PLSCR4: variants seen among roughly 807,000 people sequenced by gnomAD.
The protein encoded by PLSCR4 is phospholipid scramblase 4, also known as Ca(2+)-dependent phospholipid scramblase 4.
PLSCR4 carries 25 observed loss-of-function variants against 36.3 expected under a neutral mutation model. The ratio of observed to expected loss-of-function variants is 0.69; its 90% confidence interval spans 0.50 to 0.96. The LOEUF is 0.96. PLSCR4 is among the 40% of genes least tolerant of loss of function. The probability of loss-of-function intolerance (pLI) is 0.00; values close to 1 mark genes in which losing one functional copy is unlikely to be tolerated. For synonymous variants in PLSCR4, 122 were observed against 132.9 expected (o/e 0.92, Z 0.56); for missense variants, 408 against 414.7 (o/e 0.98, Z 0.14).
chr3:146,228,347 T>C (rs2035563014), intron 1 of PLSCR4, among the ~76,000 whole-genome samples: 1 of 152,178 alleles, frequency 6.6e-6, no homozygotes, highest in Non-Finnish European at 1.5e-5. Flanking sequence ...TGAGCATCCA[T>C]ATGTAAGATT....
chr3:146,223,267 T>C (rs1166477041), intron 1 of PLSCR4, among the ~76,000 whole-genome samples: 4 of 152,158 alleles, frequency 2.6e-5, no homozygotes, highest in Non-Finnish European at 4.4e-5. Flanking sequence ...AAAAAGGCTA[T>C]TATTTGAGAA....
chr3:146,231,515 A>C (rs1256996300), intron 1 of PLSCR4, among the ~76,000 whole-genome samples: 1 of 152,166 alleles, frequency 6.6e-6, no homozygotes, highest in Non-Finnish European at 1.5e-5. Context: ...TAACTTCACC[A>C]ACATCTATTA....
intron 3 of PLSCR4, among the ~76,000 whole-genome samples, chr3:146,215,868 C>T (rs1237283041): frequency 3.3e-5 from 5 of 152,196 alleles, no homozygotes; most frequent in Admixed American, 3.3e-4. Flanking sequence ...AGCAAATTTT[C>T]TGTCTTTTGT....
chr3:146,237,592 A>C (rs9845890), intron 1 of PLSCR4, among the ~76,000 whole-genome samples: 1 of 151,744 alleles, frequency 6.6e-6, no homozygotes, highest in Non-Finnish European at 1.5e-5. Context: ...GGAAATTCAA[A>C]ATATGTGGAT....
At chr3:146,210,958 A>G (rs1437769263) in intron 3 of PLSCR4, among the ~76,000 whole-genome samples, 1 of 151,786 alleles carries the variant, frequency 6.6e-6, no homozygotes, top group Admixed American at 6.6e-5. Flanking sequence ...GATATATCAC[A>G]TTTTAGGTAT....
At chr3:146,210,661 A>C (rs923735212) in intron 3 of PLSCR4, among the ~76,000 whole-genome samples, 1 of 152,008 alleles carries the variant, frequency 6.6e-6, no homozygotes, top group Non-Finnish European at 1.5e-5. Context: ...GTATATTCTC[A>C]AAGTTGTGCA....
intron 6 of PLSCR4, among the ~76,000 whole-genome samples, chr3:146,198,977 C>T (rs1480411602): frequency 6.6e-6 from 1 of 151,896 alleles, no homozygotes. Flanking sequence ...TGACTTAATC[C>T]CTAAAATGAT....
intron 3 of PLSCR4, among the ~76,000 whole-genome samples, chr3:146,209,704 T>A (rs1050099318): frequency 1.3e-5 from 2 of 152,128 alleles, no homozygotes; most frequent in African/African-American, 4.8e-5. Context: ...TTAAAATTTA[T>A]AAATAACTGG....
chr3:146,234,075 C>T (rs73865369), intron 1 of PLSCR4, among the ~76,000 whole-genome samples: 1,687 of 152,294 alleles, frequency 0.011, 33 homozygotes, highest in African/African-American at 0.038. Flanking sequence ...CAACCTGTCT[C>T]TCCCACTAAA....
chr3:146,206,477 C>T (rs1466935063), intron 4 of PLSCR4, 49 bp downstream of exon 4: 2 of 1,357,848 alleles, frequency 1.5e-6, no homozygotes, highest in Non-Finnish European at 1.1e-6. Flanking sequence ...TTTGTTGGAT[C>T]CCTATGGTCA....
At chr3:146,216,986 A>T (rs2034927224) in intron 3 of PLSCR4, among the ~76,000 whole-genome samples, 1 of 152,246 alleles carries the variant, frequency 6.6e-6, no homozygotes, top group African/African-American at 2.4e-5. Flanking sequence ...TTCTCCTAAT[A>T]CTATCTGAAA....
At chr3:146,237,820 C>G (rs1328168049) in intron 1 of PLSCR4, among the ~76,000 whole-genome samples, 1 of 150,580 alleles carries the variant, frequency 6.6e-6, no homozygotes, top group South Asian at 2.1e-4. Context: ...CAAATTAAAA[C>G]CAAAGCAAGA....
chr3:146,248,369 C>T (rs2107874030), intron 1 of PLSCR4, among the ~76,000 whole-genome samples: 1 of 152,166 alleles, frequency 6.6e-6, no homozygotes, highest in East Asian at 1.9e-4. Flanking sequence ...ATGTGTAAAA[C>T]AACATCACTA....
At chr3:146,200,371 A>G (rs1576449681) in intron 5 of PLSCR4, among the ~76,000 whole-genome samples, 1 of 152,228 alleles carries the variant, frequency 6.6e-6, no homozygotes, top group African/African-American at 2.4e-5. Context: ...AAAATTATAC[A>G]TTTGACCATT....
Position 146,206,694 on chromosome 3 carries a change from A to G in PLSCR4, c.186T>C (p.Ser62=), listed in dbSNP as rs1388092502. 2.5e-6 allele frequency: 4 copies of G among 1,612,552 alleles called. No homozygotes were observed. The highest frequency in any genetic ancestry group is 3.4e-6 in the Non-Finnish European group (4 of 1,179,328). Residue 62 remains serine (S), a synonymous_variant, in exon 4 of 9, where the codon AGT becomes AGC. Coordinates refer to ENST00000354952, the MANE Select transcript of PLSCR4 (RefSeq NM_020353.3). ...YPGGLPMGYY[S]PQQPSTFPLY... ...AAGGGAAGGTACTGGGTTGCTGTGG[A>G]CTGTAGTATCCCATAGGCAAGCCTC...
intron 3 of PLSCR4, among the ~76,000 whole-genome samples, chr3:146,212,722 T>G (rs138575584): frequency 1.8e-4 from 28 of 152,290 alleles, no homozygotes; most frequent in African/African-American, 5.3e-4. Context: ...TCTTGACTAA[T>G]TGCTCTGGCT....
intron 7 of PLSCR4, chr3:146,196,311 A>G (rs1027148973): frequency 4.6e-5 from 11 of 239,272 alleles, no homozygotes; most frequent in African/African-American, 1.8e-4. Flanking sequence ...AAATCTAGGG[A>G]AAAAAATGGT....
At chr3:146,217,210 T>C (rs1030009214) in intron 3 of PLSCR4, among the ~76,000 whole-genome samples, 2 of 152,126 alleles carry the variant, frequency 1.3e-5, no homozygotes, top group Non-Finnish European at 2.9e-5. Context: ...GACATAATCA[T>C]AGGTAGATGC....
rs1293690619 is a variant in PLSCR4 at position 146,206,602 on chromosome 3, T to C, written c.278A>G (p.Gln93Arg). 2 of 1,613,632 alleles carry C rather than the reference T, an allele frequency of 1.2e-6. No homozygotes were observed. The highest frequency in any genetic ancestry group is 1.7e-6 in the Non-Finnish European group (2 of 1,179,716). ...TGGCATCCATGTTATTGGAACAGAC[T>C]GATTTGGCATAGGATATTTGCCAGG... ...YQPGKYPMPNQSVPITWMPGP... is the reference protein window; with the variant it reads ...YQPGKYPMPNRSVPITWMPGP... The change falls in exon 4 of 9, where the codon CAG (glutamine) becomes CGG (arginine). Residue 93 changes from glutamine (Q) to arginine (R), a missense_variant. Physicochemically the swap from Gln to Arg is conservative, Grantham distance 43 (BLOSUM62 1). Transcript: ENST00000354952.
Sources: allele counts gnomAD v4.1 joint callset (sites outside exome capture counted in the v4.1 genomes callset), GRCh38; gene constraint gnomAD v4.1.1; transcripts MANE v1.5; gene names NCBI Gene and HGNC (gene_info 2026-07-23, HGNC 2026-07-21).